Variants in HMCN2 observed in about 807,000 individuals in gnomAD.
HMCN2 encodes hemicentin 2.
A neutral mutation model predicts 377.5 loss-of-function variants in HMCN2; 325 were observed. The ratio of observed to expected loss-of-function variants is 0.86; its 90% CI spans 0.79 to 0.94. The LOEUF is 0.94. HMCN2 is among the 40% of genes least tolerant of loss of function. HMCN2 has a pLI of 0.00. For synonymous variants in HMCN2, 2,007 were observed against 2,046.8 expected (o/e 0.98, Z 0.53); for missense variants, 4,543 against 4,725.3 (o/e 0.96, Z 1.13).
chr9:130,377,084 C>G (rs1478345861), intron 52 of HMCN2, among the ~76,000 whole-genome samples: 1 of 151,832 alleles, frequency 6.6e-6, no homozygotes, highest in Non-Finnish European at 1.5e-5. Flanking sequence ...CAGGCATGAG[C>G]CACCGCACCC....
chr9:130,353,087 T>A lies in HMCN2; in HGVS notation c.4746T>A (p.Thr1582=). 23 of 1,304,200 alleles carry A rather than the reference T, an allele frequency of 1.8e-5. No homozygotes were observed. The highest frequency in any genetic ancestry group is 2.3e-5 in the Non-Finnish European group (23 of 988,932). 80.8% of individuals were successfully genotyped at this position (1,304,200 alleles called of 1,614,324 possible). Residue 1582 remains threonine, a synonymous_variant, in exon 31 of 98, where the codon ACT becomes ACA. Transcript: ENST00000683500. ...LLPTSTKVVY[T]RGGRQLQLGR... Reference sequence around the variant, plus strand: ...CCACCAGCACCAAGGTGGTCTACACTAGGGGCGGTCGGCAGTTGCAGCTGG... The same window carrying A: ...CCACCAGCACCAAGGTGGTCTACACAAGGGGCGGTCGGCAGTTGCAGCTGG...
At chr9:130,431,024 G>T in intron 95 of HMCN2, 1 of 424,438 alleles carries the variant, frequency 2.4e-6, no homozygotes, top group Non-Finnish European at 4.2e-6. Flanking sequence ...GGGTGGGGGT[G>T]GGGGATGGCC....
intron 74 of HMCN2, 72 bp downstream of exon 74, chr9:130,397,727 C>G (rs958980541): frequency 3.2e-6 from 4 of 1,250,464 alleles, no homozygotes; most frequent in Non-Finnish European, 4.2e-6. Flanking sequence ...TTCTGAGTCA[C>G]CCCAGCTGTA....
chr9:130,344,836 G>A (rs1206058919), intron 25 of HMCN2, among the ~76,000 whole-genome samples: 1 of 147,236 alleles, frequency 6.8e-6, no homozygotes, highest in Non-Finnish European at 1.5e-5. Context: ...GGTGTGTGTG[G>A]TGTGTGTAGT....
chr9:130,418,969 G>C lies in HMCN2; in HGVS notation c.13159G>C (p.Ala4387Pro), dbSNP rs983641353. The C allele has an allele frequency of 2.0e-6, 3 of 1,528,242 alleles. No homozygotes were observed. The African/African-American group carries it at 4.1e-5, about 21-fold the overall frequency. 94.7% of individuals were successfully genotyped at this position (1,528,242 alleles called of 1,614,324 possible). ...LWLENVETGD[A>P]GTYDCVAHNL... is the part of the protein sequence containing the mutation. The stretch of plus-strand genomic sequence containing the variant: ...GCTGGAGAACGTGGAGACTGGGGAT[G>C]CAGGCACCTACGACTGCGTCGCTCA... The change falls in exon 86 of 98, where the codon GCA (alanine) becomes CCA (proline). Residue 4387 changes from alanine (A) to proline (P), a missense_variant. By Grantham distance (27) the Ala-to-Pro change is conservative. Around this residue, in one of 5 missense-constraint regions of HMCN2, gnomAD observed 1,155 missense variants for 1,157.7 expected, o/e 1.00. Coordinates refer to ENST00000683500, the MANE Select transcript of HMCN2 (RefSeq NM_001291815.2).
chr9:130,358,604 C>A, intron 36 of HMCN2, 118 bp downstream of exon 36: 1 of 884,796 alleles, frequency 1.1e-6, no homozygotes, highest in Non-Finnish European at 1.6e-6. Context: ...CATAGTTGTG[C>A]ACTTAACTTC....
At chr9:130,283,228 T>A (rs1554926362) in intron 1 of HMCN2, among the ~76,000 whole-genome samples, 2 of 152,102 alleles carry the variant, frequency 1.3e-5, no homozygotes, top group Non-Finnish European at 1.5e-5. Flanking sequence ...CTGGTAGTGT[T>A]GTCTTATGTT....
intron 86 of HMCN2, among the ~76,000 whole-genome samples, chr9:130,421,028 T>G (rs1332423576): frequency 6.6e-6 from 1 of 152,204 alleles, no homozygotes; most frequent in Non-Finnish European, 1.5e-5. Context: ...CCAAAGTAGC[T>G]TAAGCAATTA....
intron 1 of HMCN2, among the ~76,000 whole-genome samples, chr9:130,270,233 T>TC (rs1277027275): frequency 6.8e-6 from 1 of 147,734 alleles, no homozygotes; most frequent in Non-Finnish European, 1.5e-5. Context: ...CTATTGTTTT[T>TC]TTTCTTTGTG....
At chr9:130,392,797 C>G (rs111737104) in intron 66 of HMCN2, among the ~76,000 whole-genome samples, 3 of 152,022 alleles carry the variant, frequency 2.0e-5, no homozygotes, top group Non-Finnish European at 1.5e-5. Context: ...GAGATCAAGA[C>G]CATCCTGGCT....
chr9:130,384,381 C>T lies in HMCN2; in HGVS notation c.8839C>T (p.Arg2947Ter), dbSNP rs1178898805. 1.5e-5 allele frequency: 19 copies of T among 1,297,782 alleles called. No individual in the cohort carries two copies. In the Admixed American group the frequency reaches 2.3e-4, roughly 16 times the overall value. 80.4% of individuals were successfully genotyped at this position (1,297,782 alleles called of 1,614,324 possible). A position where few individuals can be genotyped will look rare whatever the true frequency, so the allele number is the denominator to read the frequency against. Residue 2947 changes from arginine (R) to a stop codon, truncating the protein, a stop_gained, in exon 58 of 98, where the codon CGA (arginine) becomes TGA (stop). Coordinates refer to ENST00000683500, the MANE Select transcript of HMCN2 (RefSeq NM_001291815.2). LOFTEE classifies it high-confidence loss of function. Reference sequence around the variant, plus strand: ...GGTGGCTGTGGGGATAGTCCCGCCACGAATCGCAGGCCTGGACTTGGAGCA... The same window carrying T: ...GGTGGCTGTGGGGATAGTCCCGCCATGAATCGCAGGCCTGGACTTGGAGCA... ...LFTLRVQVPP[R>*]IAGLDLEQVT...
chr9:130,388,991 C>T (rs1217057868), intron 62 of HMCN2, among the ~76,000 whole-genome samples: 1 of 152,228 alleles, frequency 6.6e-6, no homozygotes, highest in Non-Finnish European at 1.5e-5. Context: ...GCTGTGCCCA[C>T]CGTTCCTCCG....
intron 22 of HMCN2, among the ~76,000 whole-genome samples, chr9:130,332,271 G>A (rs1343949195): frequency 2.0e-5 from 3 of 152,184 alleles, no homozygotes; most frequent in Non-Finnish European, 4.4e-5. Flanking sequence ...CTTCAGAGCC[G>A]GACGTTTAGA....
At chr9:130,328,821 G>A (rs1838278994) in intron 22 of HMCN2, among the ~76,000 whole-genome samples, 2 of 152,218 alleles carry the variant, frequency 1.3e-5, no homozygotes, top group Non-Finnish European at 2.9e-5. Context: ...GGGTAATGAC[G>A]GATGTGCAGT....
At chr9:130,272,250 TG>T (rs1834444408) in intron 1 of HMCN2, among the ~76,000 whole-genome samples, 1 of 149,136 alleles carries the variant, frequency 6.7e-6, no homozygotes, top group South Asian at 2.2e-4. Flanking sequence ...TTTTTGTTTT[TG>T]TTTTTTTGAG....
In HMCN2 at chr9:130,372,388, C is replaced by A. The variant is rs1841072236; in HGVS notation, c.7332C>A (p.Asn2444Lys). The A allele has an allele frequency of 1.0e-6, 1 of 985,702 alleles. No homozygotes were observed. Among genetic ancestry groups the A allele is most frequent in the Non-Finnish European group, 1.2e-6 (1 of 829,808 alleles). The allele number at this position is 985,702 out of a possible 1,614,324, so 61.1% of individuals were successfully genotyped here. The change falls in exon 47 of 98, where the codon AAC (asparagine) becomes AAA (lysine). Residue 2444 changes from asparagine (N) to lysine (K), a missense_variant. Transcript: ENST00000683500. ...ASNEAGEARR[N>K]FSVEVLVPPS... ...ACGAGGCTGGGGAGGCACGGAGGAA[C>A]TTCAGTGTGGAGGTGCTGGGTGCGT... is the stretch of plus-strand genomic sequence containing the variant.
chr9:130,426,011 T>C, intron 90 of HMCN2, 87 bp downstream of exon 90: 1 of 961,524 alleles, frequency 1.0e-6, no homozygotes, highest in Non-Finnish European at 1.6e-6. Flanking sequence ...AATCCACCCC[T>C]GCCCCTAACA....
chr9:130,428,505 C>T lies in HMCN2; in HGVS notation c.14197+16C>T. 1 of 1,537,604 alleles carries T rather than the reference C, an allele frequency of 6.5e-7. No homozygotes were observed. On this transcript the variant is annotated intron_variant, in intron 93 of 97. Transcript: ENST00000683500. The surrounding 1 kb of genome is among the most constrained non-coding windows in gnomAD (Gnocchi z 5.0). ...GGCTGTGAAGGTGATGGGGGCACAG[C>T]ATGCGGCCTGTCCATACTCCTGGAA...
In HMCN2 at chr9:130,308,562, G is replaced by A. The variant is rs1344004373; in HGVS notation, c.2200+996G>A. On this transcript the variant is annotated intron_variant, in intron 14 of 97. Transcript: ENST00000683500. This position sits in a 1 kb window ranked among gnomAD's most constrained non-coding sequence, Gnocchi z 4.1. ...GCAGCAGCTGCCTGGGACCTCATCA[G>A]AGCCTCACCCTGACTCTGAGAAAGG... Among the ~76,000 whole-genome samples the A allele has an allele frequency of 6.6e-6, 1 of 152,156 alleles. No homozygotes were observed.
Sources: allele counts gnomAD v4.1 joint callset (sites outside exome capture counted in the v4.1 genomes callset), GRCh38; gene constraint gnomAD v4.1.1; regional missense constraint gnomAD v4.1.1; non-coding constraint Gnocchi (gnomAD v3.1); transcripts MANE v1.5; gene names NCBI Gene and HGNC (gene_info 2026-07-23, HGNC 2026-07-21).